RBMS3: variants seen among roughly 807,000 people sequenced by gnomAD.
RBMS3 encodes the protein RNA binding motif single stranded interacting protein 3, also known as RNA-binding motif, single-stranded-interacting protein 3.
In RBMS3, 27 loss-of-function variants were observed where a neutral mutation model predicts 66.8. That is an observed-to-expected ratio of 0.40 (90% CI 0.30 to 0.56). RBMS3 has a LOEUF of 0.56. Among genes scored for constraint, RBMS3 ranks in the 20% least tolerant of loss-of-function variants. RBMS3 has a pLI of 0.40. For missense variants in RBMS3, 513 were observed against 549.5 expected (o/e 0.93, Z 0.66); for synonymous variants, 188 against 183.0 (o/e 1.03, Z -0.22).
At chr3:29,462,283 G>A (rs892918931) in intron 2 of RBMS3, among the ~76,000 whole-genome samples, 2 of 152,122 alleles carry the variant, frequency 1.3e-5, no homozygotes, top group Non-Finnish European at 2.9e-5. Context: ...CAGGCTGCAT[G>A]CCCCCTTTTA....
chr3:29,669,899 G>A (rs2050923516), intron 4 of RBMS3, among the ~76,000 whole-genome samples: 1 of 152,060 alleles, frequency 6.6e-6, no homozygotes, highest in African/African-American at 2.4e-5. Flanking sequence ...ATCATGCCTG[G>A]GAATCTTTCT....
intron 1 of RBMS3, among the ~76,000 whole-genome samples, chr3:29,313,495 G>A (rs1006995120): frequency 6.6e-6 from 1 of 151,640 alleles, no homozygotes; most frequent in African/African-American, 2.4e-5. Flanking sequence ...GGAAATTTGA[G>A]GCACAGGTCA....
At chr3:29,375,654 C>CCAT (rs2038426645) in intron 1 of RBMS3, among the ~76,000 whole-genome samples, 1 of 152,140 alleles carries the variant, frequency 6.6e-6, no homozygotes, top group East Asian at 1.9e-4. Context: ...CAGTGTGATA[C>CCAT]CATCTCACAG....
chr3:29,462,143 A>T lies in RBMS3; in HGVS notation c.249-26298A>T, dbSNP rs559519775. Among the ~76,000 whole-genome samples, 7 of 152,178 alleles carry T rather than the reference A, an allele frequency of 4.6e-5. No individual in the cohort carries two copies. The South Asian group carries it at 1.5e-3, about 32-fold the overall frequency. ...TTGAGTGGTTTAAATACATGATAAA[A>T]TGTGAAGAATTATACTCATGGAAGG... On this transcript the variant is annotated intron_variant, in intron 2 of 14. Coordinates refer to ENST00000383767, the MANE Select transcript of RBMS3 (RefSeq NM_001003793.3).
chr3:29,977,273 T>C (rs549670000), intron 12 of RBMS3, among the ~76,000 whole-genome samples: 3 of 152,244 alleles, frequency 2.0e-5, no homozygotes, highest in East Asian at 3.9e-4. Context: ...ATTTCAAATA[T>C]TGAAATGCAG....
intron 6 of RBMS3, among the ~76,000 whole-genome samples, chr3:29,855,900 C>G (rs1310884963): frequency 6.6e-6 from 1 of 152,014 alleles, no homozygotes; most frequent in Admixed American, 6.6e-5. Flanking sequence ...CTACATTATA[C>G]TTGGGGGATA....
At chr3:29,544,703 G>GTGTGTGTGTGTGTA (rs1361599235) in intron 3 of RBMS3, among the ~76,000 whole-genome samples, 1 of 151,852 alleles carries the variant, frequency 6.6e-6, no homozygotes, top group African/African-American at 2.4e-5. Flanking sequence ...ATGTAAATGT[G>GTGTGTGTGTGTGTA]TGTGTGTGTG....
chr3:29,699,040 C>G (rs1463424695), intron 4 of RBMS3, among the ~76,000 whole-genome samples: 1 of 152,050 alleles, frequency 6.6e-6, no homozygotes, highest in Admixed American at 6.5e-5. Context: ...AACCATTTCC[C>G]AATTGATAGG....
In RBMS3 at chr3:29,577,311, C is replaced by T. The variant is rs1302711357; in HGVS notation, c.308-9803C>T. On this transcript the variant is annotated intron_variant, in intron 3 of 14. Transcript: ENST00000383767. ...GCTCCTCTTTACTCTTTGCTGTCTG[C>T]CCCTTAGGCAGAAGGAAGGAGACAC... Among the ~76,000 whole-genome samples, 14 of 152,206 alleles carry T rather than the reference C, an allele frequency of 9.2e-5. 1 individual carries two copies. Among genetic ancestry groups the T allele is most frequent in the Admixed American group, 9.2e-4 (14 of 15,286 alleles).
intron 4 of RBMS3, among the ~76,000 whole-genome samples, chr3:29,657,478 G>C (rs1323274695): frequency 6.6e-6 from 1 of 152,190 alleles, no homozygotes; most frequent in African/African-American, 2.4e-5. Flanking sequence ...CTTTGAAAAT[G>C]TTTATTGTCA....
chr3:29,663,318 C>G (rs148548860), intron 4 of RBMS3, among the ~76,000 whole-genome samples: 3 of 152,146 alleles, frequency 2.0e-5, no homozygotes, highest in Admixed American at 2.0e-4. Flanking sequence ...CTCTAAAATT[C>G]CTTAGTAGCC....
chr3:29,435,998 T>G (rs1414747663), intron 2 of RBMS3, among the ~76,000 whole-genome samples: 3 of 151,018 alleles, frequency 2.0e-5, no homozygotes, highest in East Asian at 1.9e-4. Flanking sequence ...AGACGAATCG[T>G]AGACCTGTAT....
intron 12 of RBMS3, among the ~76,000 whole-genome samples, chr3:29,963,778 G>A (rs1696636499): frequency 6.9e-6 from 1 of 144,326 alleles, no homozygotes; most frequent in Non-Finnish European, 1.5e-5. Flanking sequence ...AGTGAGCCAA[G>A]ATCCCACCAC....
chr3:29,409,633 G>A (rs1270612910), intron 1 of RBMS3, among the ~76,000 whole-genome samples: 1 of 152,206 alleles, frequency 6.6e-6, no homozygotes, highest in Non-Finnish European at 1.5e-5. Flanking sequence ...CAATGTGTGG[G>A]AGTGCTTATC....
intron 1 of RBMS3, among the ~76,000 whole-genome samples, chr3:29,408,580 G>A (rs963034962): frequency 6.6e-6 from 1 of 151,978 alleles, no homozygotes; most frequent in African/African-American, 2.4e-5. Context: ...ACTTTTAGGG[G>A]GGTTATATGT....
intron 5 of RBMS3, among the ~76,000 whole-genome samples, chr3:29,757,723 A>T (rs919712635): frequency 3.3e-5 from 5 of 152,232 alleles, no homozygotes; most frequent in African/African-American, 1.2e-4. Context: ...AGCCATAATG[A>T]TAATATAGAT....
intron 4 of RBMS3, among the ~76,000 whole-genome samples, chr3:29,691,950 T>TCTCTCTCTA (rs1491449986): frequency 2.7e-5 from 3 of 110,806 alleles, no homozygotes; most frequent in South Asian, 3.4e-4. Flanking sequence ...TCTCTCTCTA[T>TCTCTCTCTA]TTTTTTTTTT....
rs184743374 is a variant in RBMS3 at position 29,771,142 on chromosome 3, T to C, written c.637+8153T>C. Among the ~76,000 whole-genome samples, 153 of 152,170 alleles carry C rather than the reference T, an allele frequency of 1.0e-3. 1 individual carries two copies. The highest frequency in any genetic ancestry group is 3.6e-3 in the African/African-American group (149 of 41,560). Reference sequence around the variant, plus strand: ...ATTATGTGTTTATCTTACTAGCTGCTTCCTCTTATTTCTTACGTCTTTCAG... The same window carrying C: ...ATTATGTGTTTATCTTACTAGCTGCCTCCTCTTATTTCTTACGTCTTTCAG... On this transcript the variant is annotated intron_variant, in intron 6 of 14. Transcript: ENST00000383767.
At chr3:29,592,602 A>G (rs1346190829) in intron 4 of RBMS3, among the ~76,000 whole-genome samples, 1 of 152,180 alleles carries the variant, frequency 6.6e-6, no homozygotes, top group African/African-American at 2.4e-5. Context: ...CAGTGTGGTG[A>G]TTCCTCAAGG....
Sources: allele counts gnomAD v4.1 joint callset (sites outside exome capture counted in the v4.1 genomes callset), GRCh38; gene constraint gnomAD v4.1.1; transcripts MANE v1.5; gene names NCBI Gene and HGNC (gene_info 2026-07-23, HGNC 2026-07-21).